The following SCYL2 variants were observed in gnomAD, a reference collection of about 807,000 sequenced individuals.
SCYL2 encodes SCY1 like pseudokinase 2.
SCYL2 carries 36 observed loss-of-function variants against 100.4 expected under a neutral mutation model. That is an observed-to-expected ratio of 0.36 (90% CI 0.27 to 0.47). SCYL2 has a LOEUF of 0.47. Ranked by LOEUF, SCYL2 falls within the 20% of genes least tolerant of loss-of-function variation. SCYL2 has a pLI of 1.00. For synonymous variants in SCYL2, 330 were observed against 359.2 expected (o/e 0.92, Z 0.92); for missense variants, 902 against 1,083.9 (o/e 0.83, Z 2.36).
intron 4 of SCYL2, among the ~76,000 whole-genome samples, chr12:100,304,110 C>T (rs1377144490): frequency 6.6e-6 from 1 of 152,176 alleles, no homozygotes; most frequent in African/African-American, 2.4e-5. Flanking sequence ...TCTCCCCTCA[C>T]TGAGCTCGAG....
intron 3 of SCYL2, among the ~76,000 whole-genome samples, chr12:100,293,893 T>C (rs1392333991): frequency 6.6e-6 from 1 of 152,164 alleles, no homozygotes. Context: ...TTTTTCTTAG[T>C]ATAGAACAAA....
chr12:100,294,103 G>A (rs1481155563), intron 3 of SCYL2, among the ~76,000 whole-genome samples: 27 of 144,442 alleles, frequency 1.9e-4, no homozygotes, highest in African/African-American at 5.5e-4. Flanking sequence ...CAGTAGGGGC[G>A]GCCGGGCAGA....
rs117131790 is a variant in SCYL2 at position 100,290,330 on chromosome 12, G to A, written c.178-1173G>A. On this transcript the variant is annotated intron_variant, in intron 2 of 17. Transcript: ENST00000360820. ...ATTCACAAATGCTTGGGGGGACGTT[G>A]TGTTTTAATTGAGTTACAGTGCTAA... 2.2e-3 allele frequency among the ~76,000 whole-genome samples: 332 copies of A among 152,256 alleles called. 5 individuals carry two copies. The East Asian group carries it at 0.037, about 17-fold the overall frequency.
chr12:100,272,043 C>G (rs2096288221), intron 1 of SCYL2, among the ~76,000 whole-genome samples: 1 of 152,116 alleles, frequency 6.6e-6, no homozygotes, highest in Admixed American at 6.5e-5. Context: ...ACAACAGATT[C>G]ACATGCTGGT....
chr12:100,302,203 A>T (rs994044361), intron 4 of SCYL2, among the ~76,000 whole-genome samples: 1 of 152,176 alleles, frequency 6.6e-6, no homozygotes, highest in African/African-American at 2.4e-5. Flanking sequence ...TGTTGCTGCC[A>T]GCTACATTGC....
chr12:100,278,630 C>CTTTTTT (rs66782127), intron 1 of SCYL2, among the ~76,000 whole-genome samples: 2 of 120,526 alleles, frequency 1.7e-5, no homozygotes, highest in African/African-American at 3.2e-5. Flanking sequence ...TGGGGAAATT[C>CTTTTTT]TTTTTTTTTT....
intron 1 of SCYL2, among the ~76,000 whole-genome samples, chr12:100,272,764 T>C (rs948476431): frequency 6.6e-6 from 1 of 152,188 alleles, no homozygotes; most frequent in Non-Finnish European, 1.5e-5. Flanking sequence ...ACTTGTTTCT[T>C]AATTTTTCCT....
chr12:100,276,406 C>T (rs1241926905), intron 1 of SCYL2, among the ~76,000 whole-genome samples: 1 of 152,146 alleles, frequency 6.6e-6, no homozygotes, highest in Non-Finnish European at 1.5e-5. Flanking sequence ...AATCATGGCT[C>T]ACTGCAGCCT....
At chr12:100,282,240 A>G (rs1463256565) in intron 1 of SCYL2, among the ~76,000 whole-genome samples, 5,158 of 112,154 alleles carry the variant, frequency 0.046, 308 homozygotes, top group Middle Eastern at 0.076. Context: ...GGCCAGACTG[A>G]TTTTGAACTC....
At chr12:100,290,250 C>G (rs578220582) in intron 2 of SCYL2, among the ~76,000 whole-genome samples, 113 of 152,204 alleles carry the variant, frequency 7.4e-4, no homozygotes, top group African/African-American at 2.5e-3. Context: ...ATGCCAGTGT[C>G]TTGAGTGCTG....
intron 4 of SCYL2, among the ~76,000 whole-genome samples, chr12:100,305,777 A>G (rs2096333649): frequency 6.6e-6 from 1 of 151,316 alleles, no homozygotes; most frequent in Admixed American, 6.6e-5. Flanking sequence ...ACTAATAAAG[A>G]AGAAAAGAGA....
intron 8 of SCYL2, among the ~76,000 whole-genome samples, chr12:100,314,966 C>T (rs2096346726): frequency 6.6e-6 from 1 of 152,132 alleles, no homozygotes; most frequent in South Asian, 2.1e-4. Context: ...CCTTTTCTGA[C>T]TTATTAAATG....
At chr12:100,336,244 T>C (rs1291936459) in intron 16 of SCYL2, among the ~76,000 whole-genome samples, 2 of 152,142 alleles carry the variant, frequency 1.3e-5, no homozygotes, top group African/African-American at 4.8e-5. Context: ...GATTCTACTA[T>C]AGATTTGTGC....
intron 9 of SCYL2, 128 bp downstream of exon 9, chr12:100,315,862 TAGTC>T (rs1318361083): frequency 1.4e-6 from 1 of 732,444 alleles, no homozygotes; most frequent in African/African-American, 1.8e-5. Flanking sequence ...TCTTTTCCAT[TAGTC>T]AGAAAGCTGC....
At chr12:100,316,426 A>T (rs754148784) in intron 9 of SCYL2, among the ~76,000 whole-genome samples, 2 of 152,224 alleles carry the variant, frequency 1.3e-5, no homozygotes, top group South Asian at 4.1e-4. Context: ...AATGAAAAGG[A>T]TTGTTGAGAT....
intron 4 of SCYL2, among the ~76,000 whole-genome samples, chr12:100,304,866 A>G (rs955427231): frequency 2.0e-5 from 3 of 152,156 alleles, no homozygotes; most frequent in Non-Finnish European, 4.4e-5. Flanking sequence ...AGCCTCTGAT[A>G]TAACAGCCTT....
intron 10 of SCYL2, chr12:100,319,349 A>G (rs1285833668): frequency 6.7e-6 from 3 of 447,540 alleles, no homozygotes; most frequent in African/African-American, 2.0e-5. Context: ...CTCACAAAAC[A>G]TTCCCACAGG....
chr12:100,288,729 C>T (rs12315457), intron 2 of SCYL2, among the ~76,000 whole-genome samples: 7 of 151,066 alleles, frequency 4.6e-5, no homozygotes, highest in Non-Finnish European at 7.4e-5. Flanking sequence ...CCCAGCTACT[C>T]GGGAGACTGA....
intron 16 of SCYL2, among the ~76,000 whole-genome samples, chr12:100,336,893 A>C (rs1952284591): frequency 6.6e-6 from 1 of 152,182 alleles, no homozygotes; most frequent in African/African-American, 2.4e-5. Context: ...TGGACATAGT[A>C]GTTTACAAAA....
Sources: allele counts gnomAD v4.1 joint callset (sites outside exome capture counted in the v4.1 genomes callset), GRCh38; gene constraint gnomAD v4.1.1; transcripts MANE v1.5; gene names NCBI Gene and HGNC (gene_info 2026-07-23, HGNC 2026-07-21).